Variants in SLC13A1 observed in about 807,000 individuals in gnomAD.
SLC13A1 encodes the protein solute carrier family 13 member 1, also known as Na(+)/sulfate cotransporter.
Under a neutral mutation model 70.0 loss-of-function variants are expected in SLC13A1, and 65 were observed. The observed-to-expected ratio is 0.93, with a 90% CI of 0.76 to 1.14. The LOEUF is 1.14. SLC13A1 is among the 50% of genes most tolerant of loss of function. The pLI is 0.00. For synonymous variants in SLC13A1, 275 were observed against 250.5 expected, an observed-to-expected ratio of 1.10 and a Z score of -0.92; for missense variants, 726 against 717.8, an observed-to-expected ratio of 1.01 and a Z score of -0.13.
chr7:123,125,072 A>G (rs1358669253), intron 11 of SLC13A1, among the ~76,000 whole-genome samples: 3 of 152,100 alleles, frequency 2.0e-5, no homozygotes, highest in Admixed American at 2.0e-4. Flanking sequence ...GTGAGCCACC[A>G]CATCTGGCCC....
chr7:123,178,617 C>A (rs1448648557), intron 2 of SLC13A1, among the ~76,000 whole-genome samples: 1 of 152,024 alleles, frequency 6.6e-6, no homozygotes, highest in Non-Finnish European at 1.5e-5. Context: ...AAATTTTAAG[C>A]TCAGGTCTTA....
chr7:123,146,038 T>G (rs1794336551), intron 7 of SLC13A1, among the ~76,000 whole-genome samples: 1 of 152,202 alleles, frequency 6.6e-6, no homozygotes, highest in African/African-American at 2.4e-5. Flanking sequence ...TTATCTGTTC[T>G]TTTAGTAGAA....
chr7:123,187,744 T>C (rs1407929403), intron 1 of SLC13A1, among the ~76,000 whole-genome samples: 1 of 152,244 alleles, frequency 6.6e-6, no homozygotes. Context: ...TGTTGATACA[T>C]GTAGATTTAT....
In SLC13A1 at chr7:123,128,935, A is replaced by G. The variant is rs1793658436; in HGVS notation, c.1043T>C (p.Ile348Thr). 1 of 1,611,588 alleles carries G rather than the reference A, an allele frequency of 6.2e-7. No individual in the cohort carries two copies. Among genetic ancestry groups the G allele is most frequent in the Non-Finnish European group, 8.5e-7 (1 of 1,178,080 alleles). ...QKLGPIRYQE[I>T]VTLVLFIIMA... ...TATAATGAAGAGGACCAAGGTCACA[A>G]TTTCTTGATACCTGTGGAAAAATTC... Residue 348 changes from isoleucine to threonine, a missense_variant, in exon 10 of 15, where the codon ATT (isoleucine) becomes ACT (threonine). Ile to Thr is a moderately conservative substitution (Grantham distance 89). Coordinates refer to ENST00000194130, the MANE Select transcript of SLC13A1 (RefSeq NM_022444.4).
At chr7:123,161,727 G>A (rs181953004) in intron 6 of SLC13A1, among the ~76,000 whole-genome samples, 9 of 152,036 alleles carry the variant, frequency 5.9e-5, no homozygotes, top group South Asian at 2.1e-4. Context: ...TTGCTGTGGC[G>A]ACCAATCCAT....
intron 1 of SLC13A1, among the ~76,000 whole-genome samples, chr7:123,192,514 T>C (rs1019100247): frequency 5.3e-5 from 8 of 152,186 alleles, no homozygotes; most frequent in African/African-American, 1.9e-4. Flanking sequence ...TTAAATGACA[T>C]ACTGACTGAT....
At chr7:123,122,474 C>A (rs1424879419) in intron 12 of SLC13A1, among the ~76,000 whole-genome samples, 1 of 151,998 alleles carries the variant, frequency 6.6e-6, no homozygotes. Flanking sequence ...TCTACAAAGA[C>A]CAGGGCAATT....
rs62486068 is a variant in SLC13A1 at position 123,155,571 on chromosome 7, G to A, written c.661-8261C>T. On this transcript the variant is annotated intron_variant, in intron 6 of 14. Transcript: ENST00000194130. ...TGGCAATCTCTCTTTCATAATTGAG[G>A]CTTTCATCAGATATCCAGGAATTTT... Among the ~76,000 whole-genome samples, 784 of 151,922 alleles carry A rather than the reference G, an allele frequency of 5.2e-3. 5 individuals are homozygous for A. The highest frequency in any genetic ancestry group is 6.7e-3 in the Non-Finnish European group (458 of 67,938).
chr7:123,178,033 C>CTCTCTCTCTCTCTCTATATATATA (rs761704605), intron 2 of SLC13A1, among the ~76,000 whole-genome samples: 18 of 149,952 alleles, frequency 1.2e-4, no homozygotes, highest in African/African-American at 4.2e-4. Flanking sequence ...CTCTCTCTCT[C>CTCTCTCTCTCTCTCTATATATATA]TATATATATA....
intron 9 of SLC13A1, 68 bp from the exon 10 acceptor site, chr7:123,129,014 G>A: frequency 9.7e-7 from 1 of 1,028,180 alleles, no homozygotes; most frequent in South Asian, 1.3e-5. Context: ...AACTCCTTGA[G>A]CTATTGTCAG....
rs777711591 is a variant in SLC13A1, at chr7:123,148,580, C to T, written c.661-1270G>A. ...GGTTTGATTCTTCCTCTTCCTGTGG[C>T]GAAATTCAAAGAAGAACCAATAACT... On this transcript the variant is annotated intron_variant, in intron 6 of 14. Transcript: ENST00000194130. The T allele has an allele frequency of 5.4e-5, 20 of 369,928 alleles. No individual in the cohort carries two copies. In the East Asian group the frequency reaches 6.4e-4, roughly 12 times the overall value. The allele number at this position is 369,928 out of a possible 1,614,324, so 22.9% of individuals were successfully genotyped here. A position where few individuals can be genotyped will look rare whatever the true frequency, so the allele number is the denominator to read the frequency against.
intron 1 of SLC13A1, among the ~76,000 whole-genome samples, chr7:123,184,892 T>C (rs1402749569): frequency 6.6e-6 from 1 of 152,056 alleles, no homozygotes; most frequent in Non-Finnish European, 1.5e-5. Flanking sequence ...TTTGAGGGAA[T>C]GCTGTGTTAT....
At chr7:123,141,569 T>C (rs1794146150) in intron 7 of SLC13A1, among the ~76,000 whole-genome samples, 1 of 152,146 alleles carries the variant, frequency 6.6e-6, no homozygotes, top group Non-Finnish European at 1.5e-5. Flanking sequence ...CCTCTCTCTC[T>C]AGCTCTAATA....
intron 2 of SLC13A1, among the ~76,000 whole-genome samples, chr7:123,177,880 T>C (rs983199380): frequency 7.2e-5 from 11 of 152,112 alleles, no homozygotes; most frequent in Non-Finnish European, 1.2e-4. Flanking sequence ...CATTGCCTCC[T>C]TTCCTCTAGA....
At chr7:123,157,196 C>A (rs572504159) in intron 6 of SLC13A1, among the ~76,000 whole-genome samples, 2 of 152,002 alleles carry the variant, frequency 1.3e-5, no homozygotes, top group Admixed American at 1.3e-4. Flanking sequence ...CTTCTCCTTA[C>A]AGCTAGTATG....
chr7:123,166,533 A>G (rs1795081953), intron 6 of SLC13A1, among the ~76,000 whole-genome samples: 1 of 151,996 alleles, frequency 6.6e-6, no homozygotes, highest in Admixed American at 6.6e-5. Flanking sequence ...TCCTAATGCT[A>G]TCCGTCCCCC....
At chr7:123,170,946 CGTCT>C (rs1409342675) in intron 3 of SLC13A1, among the ~76,000 whole-genome samples, 2 of 144,116 alleles carry the variant, frequency 1.4e-5, no homozygotes, top group African/African-American at 4.9e-5. Context: ...AAATTTGTCT[CGTCT>C]GAGTCATTTT....
chr7:123,128,358 A>G (rs923349520), intron 10 of SLC13A1, among the ~76,000 whole-genome samples: 6 of 152,156 alleles, frequency 3.9e-5, no homozygotes, highest in Non-Finnish European at 7.3e-5. Flanking sequence ...TAACATTAGT[A>G]TAGCACTTCC....
At chr7:123,155,003 T>C (rs1426620732) in intron 6 of SLC13A1, among the ~76,000 whole-genome samples, 1 of 152,118 alleles carries the variant, frequency 6.6e-6, no homozygotes, top group African/African-American at 2.4e-5. Flanking sequence ...GGGAGAAGTA[T>C]TCAGTCATTC....
Sources: gnomAD v4.1 joint callset for allele counts (sites outside exome capture counted in the v4.1 genomes callset) on GRCh38, gnomAD v4.1.1 for gene constraint, MANE v1.5 for transcripts, NCBI Gene and HGNC (gene_info 2026-07-23, HGNC 2026-07-21) for gene names.